Variants in PTPN14 observed in about 807,000 individuals in gnomAD.
PTPN14 encodes the protein protein tyrosine phosphatase non-receptor type 14.
Under a neutral mutation model 126.8 loss-of-function variants are expected in PTPN14, and 53 were observed. The ratio of observed to expected loss-of-function variants is 0.42; its 90% CI spans 0.34 to 0.53. The LOEUF is 0.53. PTPN14 is among the 20% of genes least tolerant of loss of function. The pLI, the probability that PTPN14 is intolerant of heterozygous loss-of-function variation, is 0.08. For missense variants in PTPN14, 1,257 were observed against 1,552.9 expected, an observed-to-expected ratio of 0.81 and a Z score of 3.20; for synonymous variants, 630 against 599.3, an observed-to-expected ratio of 1.05 and a Z score of -0.75.
chr1:214,471,034 A>AG (rs1375112743), intron 1 of PTPN14, among the ~76,000 whole-genome samples: 1 of 147,704 alleles, frequency 6.8e-6, no homozygotes. Context: ...TCAAAAAAAA[A>AG]AAAAACAAAA....
At chr1:214,365,651 A>G (rs1658063410) in intron 17 of PTPN14, among the ~76,000 whole-genome samples, 1 of 152,234 alleles carries the variant, frequency 6.6e-6, no homozygotes, top group African/African-American at 2.4e-5. Flanking sequence ...AACCATTCAA[A>G]TAATTTCAAA....
In PTPN14 at chr1:214,376,212, T is replaced by C. The variant is rs752075586; in HGVS notation, c.2907+7A>G. On this transcript the variant is annotated splice_region_variant and intron_variant, in intron 15 of 18. Coordinates refer to ENST00000366956, the MANE Select transcript of PTPN14 (RefSeq NM_005401.5). ...TACCAAACCTTCTAACAGGCTTGCC[T>C]TCTTACCTTGATGTGGGAGGCATTA... The C allele has an allele frequency of 1.9e-6, 3 of 1,611,514 alleles. No homozygotes were observed. The highest frequency in any genetic ancestry group is 2.5e-6 in the Non-Finnish European group (3 of 1,177,798).
At chr1:214,511,400 T>C (rs1258235452) in intron 1 of PTPN14, among the ~76,000 whole-genome samples, 2 of 150,828 alleles carry the variant, frequency 1.3e-5, no homozygotes, top group Non-Finnish European at 2.9e-5. Context: ...AATAAGCACA[T>C]GAAAGATGCT....
chr1:214,434,087 G>A (rs755275625), intron 3 of PTPN14, among the ~76,000 whole-genome samples: 2 of 151,930 alleles, frequency 1.3e-5, no homozygotes, highest in Admixed American at 6.6e-5. Flanking sequence ...AGCTGTGATT[G>A]TGCCACTGTA....
intron 3 of PTPN14, among the ~76,000 whole-genome samples, chr1:214,417,012 G>A (rs1659441974): frequency 6.6e-6 from 1 of 151,444 alleles, no homozygotes; most frequent in African/African-American, 2.4e-5. Context: ...TTGGGTGGAG[G>A]GGAAAAGGAA....
intron 1 of PTPN14, among the ~76,000 whole-genome samples, chr1:214,493,698 T>G (rs941311763): frequency 1.3e-5 from 2 of 152,184 alleles, no homozygotes; most frequent in African/African-American, 4.8e-5. Context: ...CAATGATACA[T>G]GCTAACATAC....
At chr1:214,469,984 C>T (rs1412747335) in intron 1 of PTPN14, among the ~76,000 whole-genome samples, 3 of 152,052 alleles carry the variant, frequency 2.0e-5, no homozygotes, top group East Asian at 3.8e-4. Context: ...CTAATAAATA[C>T]TACAAAGCTG....
At chr1:214,397,328 A>G (rs1432242346) in intron 8 of PTPN14, among the ~76,000 whole-genome samples, 3 of 152,216 alleles carry the variant, frequency 2.0e-5, no homozygotes, top group African/African-American at 7.2e-5. Context: ...ACAGTTTTTC[A>G]GATCATTGGC....
intron 1 of PTPN14, among the ~76,000 whole-genome samples, chr1:214,504,391 T>G (rs1336245143): frequency 6.6e-6 from 1 of 152,176 alleles, no homozygotes; most frequent in Non-Finnish European, 1.5e-5. Context: ...GTACTTCTGA[T>G]GCATTATTCT....
intron 1 of PTPN14, chr1:214,532,682 A>G: frequency 2.5e-6 from 2 of 812,246 alleles, no homozygotes; most frequent in Non-Finnish European, 4.4e-6. Context: ...TTTAGAGTCA[A>G]GTATGAGACA....
chr1:214,504,281 G>C (rs1654779394), intron 1 of PTPN14, among the ~76,000 whole-genome samples: 1 of 152,122 alleles, frequency 6.6e-6, no homozygotes, highest in African/African-American at 2.4e-5. Context: ...TAGCCAGATA[G>C]GAAACCTTTT....
intron 3 of PTPN14, among the ~76,000 whole-genome samples, chr1:214,433,045 A>G (rs962774263): frequency 1.1e-4 from 16 of 151,962 alleles, no homozygotes; most frequent in African/African-American, 3.9e-4. Flanking sequence ...CTAGGACTAC[A>G]GGCGCCCACC....
chr1:214,403,936 G>C (rs907758008), intron 5 of PTPN14, among the ~76,000 whole-genome samples: 10 of 152,148 alleles, frequency 6.6e-5, no homozygotes, highest in Admixed American at 2.0e-4. Context: ...GTGACCTCCA[G>C]AGCAGATGTC....
chr1:214,502,038 G>A (rs1397175515), intron 1 of PTPN14, among the ~76,000 whole-genome samples: 1 of 142,300 alleles, frequency 7.0e-6, no homozygotes, highest in Non-Finnish European at 1.5e-5. Flanking sequence ...CAGCCTGGGC[G>A]ACGGTGCAAG....
intron 15 of PTPN14, among the ~76,000 whole-genome samples, chr1:214,373,502 G>A (rs1658266719): frequency 6.6e-6 from 1 of 150,754 alleles, no homozygotes; most frequent in Non-Finnish European, 1.5e-5. Context: ...TGCTTACTAT[G>A]TGCAATGTAC....
chr1:214,524,596 G>A (rs1287488977), intron 1 of PTPN14, among the ~76,000 whole-genome samples: 2 of 152,066 alleles, frequency 1.3e-5, no homozygotes, highest in Non-Finnish European at 2.9e-5. Flanking sequence ...AGGCTGCAGT[G>A]GGCTATGATC....
At position 214,384,105 on chromosome 1, in the gene PTPN14, T is replaced by G; in HGVS notation, c.1750A>C (p.Ser584Arg). 6.4e-7 allele frequency: 1 copy of G among 1,572,374 alleles called. No homozygotes were observed. Among genetic ancestry groups the G allele is most frequent in the Non-Finnish European group, 8.6e-7 (1 of 1,162,072 alleles). ...RPATSTPDLA[S>R]HRHKYVSGSS... ...CCGCTGACGTACTTGTGGCGGTGGCTGGCCAGGTCTGGGGTGCTGGTGGCA... is the reference window on the plus strand; with the variant it reads ...CCGCTGACGTACTTGTGGCGGTGGCGGGCCAGGTCTGGGGTGCTGGTGGCA... Residue 584 changes from serine (S) to arginine (R), a missense_variant, in exon 13 of 19, where the codon AGC (serine) becomes CGC (arginine). This residue lies in a region of PTPN14 where 1,021 missense variants were observed against 1,183.3 expected (regional missense o/e 0.86). Transcript: ENST00000366956. This position sits in a 1 kb window ranked among gnomAD's most constrained non-coding sequence, Gnocchi z 5.3.
chr1:214,462,617 A>G (rs1381528481), intron 2 of PTPN14, among the ~76,000 whole-genome samples: 1 of 152,252 alleles, frequency 6.6e-6, no homozygotes, highest in Admixed American at 6.5e-5. Context: ...TGCAGTGTTC[A>G]GTGGGCTGGA....
chr1:214,425,142 T>C (rs1481786185), intron 3 of PTPN14, among the ~76,000 whole-genome samples: 1 of 152,134 alleles, frequency 6.6e-6, no homozygotes. Flanking sequence ...AGAAGTACCT[T>C]GAAGGCGGGA....
Sources: allele counts gnomAD v4.1 joint callset (sites outside exome capture counted in the v4.1 genomes callset), GRCh38; gene constraint gnomAD v4.1.1; regional missense constraint gnomAD v4.1.1; non-coding constraint Gnocchi (gnomAD v3.1); transcripts MANE v1.5; gene names NCBI Gene and HGNC (gene_info 2026-07-23, HGNC 2026-07-21).